ZDHHC19: variants seen among roughly 807,000 people sequenced by gnomAD.
ZDHHC19 encodes the protein zDHHC palmitoyltransferase 19.
Under a neutral mutation model 33.9 loss-of-function variants are expected in ZDHHC19, and 30 were observed. The observed-to-expected ratio is 0.88, with a 90% CI of 0.66 to 1.20. ZDHHC19 has a LOEUF of 1.20. ZDHHC19 is among the 50% of genes most tolerant of loss of function. The probability of loss-of-function intolerance (pLI) is 0.00; values close to 1 mark genes in which losing one functional copy is unlikely to be tolerated. For missense variants in ZDHHC19, 364 were observed against 401.1 expected, an observed-to-expected ratio of 0.91 and a Z score of 0.79; for synonymous variants, 178 against 167.6, an observed-to-expected ratio of 1.06 and a Z score of -0.48.
intron 5 of ZDHHC19, among the ~76,000 whole-genome samples, chr3:196,206,499 C>T (rs1187465193): frequency 1.3e-5 from 2 of 151,846 alleles, no homozygotes; most frequent in South Asian, 2.1e-4. Context: ...ACTAAAGGCA[C>T]GTGCCACCGT....
chr3:196,199,272 C>T (rs1008914525), intron 5 of ZDHHC19: 54 of 209,910 alleles, frequency 2.6e-4, no homozygotes, highest in Middle Eastern at 2.0e-3. Context: ...CTCTCCCCTT[C>T]GCCCACTCAC....
intron 2 of ZDHHC19, among the ~76,000 whole-genome samples, chr3:196,210,164 C>T (rs1176639808): frequency 6.6e-6 from 1 of 150,466 alleles, no homozygotes; most frequent in Non-Finnish European, 1.5e-5. Flanking sequence ...GCACTCCCGC[C>T]TGGGCAGCAA....
chr3:196,210,217 GAAA>G (rs1304863138), intron 2 of ZDHHC19, among the ~76,000 whole-genome samples: 2 of 133,216 alleles, frequency 1.5e-5, no homozygotes, highest in Non-Finnish European at 3.2e-5. Flanking sequence ...AAGAGAGAAA[GAAA>G]GAAGAAAGGA....
chr3:196,207,903 C>A (rs1722900416), intron 4 of ZDHHC19, among the ~76,000 whole-genome samples: 2 of 138,282 alleles, frequency 1.4e-5, no homozygotes, highest in African/African-American at 5.4e-5. Context: ...GCACCTTTAG[C>A]ACCCGCTCCG....
intron 4 of ZDHHC19, among the ~76,000 whole-genome samples, chr3:196,208,084 T>C (rs1358937453): frequency 6.6e-6 from 1 of 151,796 alleles, no homozygotes; most frequent in East Asian, 2.0e-4. Context: ...TTCTATTTTT[T>C]TGTAGAGACG....
chr3:196,210,205 G>T (rs938986591), intron 2 of ZDHHC19, among the ~76,000 whole-genome samples: 2 of 136,824 alleles, frequency 1.5e-5, no homozygotes, highest in Non-Finnish European at 3.2e-5. Flanking sequence ...AAAAGAAAAG[G>T]AAAGAGAGAA....
In ZDHHC19 at chr3:196,209,444, A is replaced by G. The variant is rs761949116; in HGVS notation, c.340T>C (p.Cys114Arg). The change falls in exon 3 of 8, where the codon TGT (cysteine) becomes CGT (arginine). Residue 114 changes from cysteine (C) to arginine (R), a missense_variant. Transcript: ENST00000296326. ...GGGCGGTGGAAGCAGCACTTTGGACACCATTGCAGGCGGAAGGCCCCGTGG... is the reference window on the plus strand; with the variant it reads ...GGGCGGTGGAAGCAGCACTTTGGACGCCATTGCAGGCGGAAGGCCCCGTGG... ...VNHGAFRLQWCPKCCFHRPPR... is the reference protein window; with the variant it reads ...VNHGAFRLQWRPKCCFHRPPR... 18 of 1,611,446 alleles carry G rather than the reference A, an allele frequency of 1.1e-5. No individual in the cohort carries two copies. Among genetic ancestry groups the G allele is most frequent in the Non-Finnish European group, 1.4e-5 (16 of 1,179,194 alleles).
Position 196,211,367 on chromosome 3 carries a change from C to G in ZDHHC19, c.-52G>C, listed in dbSNP as rs763368972. 1 of 1,545,836 alleles carries G rather than the reference C, an allele frequency of 6.5e-7. No homozygotes were observed. Among genetic ancestry groups the G allele is most frequent in the East Asian group, 2.3e-5 (1 of 44,398 alleles). On this transcript the variant is annotated 5_prime_UTR_variant, in exon 1 of 8. Coordinates refer to ENST00000296326, the MANE Select transcript of ZDHHC19 (RefSeq NM_001039617.2). ...AGGTCAGAGCCACCAGGCTTCCTCC[C>G]CCAGCCCAGCTTCCAGAGCTCCATG...
intron 3 of ZDHHC19, 57 bp downstream of exon 3, chr3:196,209,319 T>A: frequency 6.5e-7 from 1 of 1,540,286 alleles, no homozygotes; most frequent in African/African-American, 1.4e-5. Context: ...TGAGGGAGGC[T>A]CCTGGTCCCA....
chr3:196,200,583 T>G (rs992738629), intron 5 of ZDHHC19, among the ~76,000 whole-genome samples: 2 of 150,532 alleles, frequency 1.3e-5, no homozygotes, highest in Non-Finnish European at 3.0e-5. Context: ...CTCGATCTCC[T>G]GACCTCGTGA....
Position 196,208,733 on chromosome 3 carries a change from C to T in ZDHHC19, c.409-173G>A, listed in dbSNP as rs1722985262. ...ACAGAATGCCTCATGCTGGCATTTC[C>T]CTTGTTAGAGCACAGTTAGGACTCT... On this transcript the variant is annotated intron_variant, in intron 3 of 7. Transcript: ENST00000296326. 5 of 709,318 alleles carry T rather than the reference C, an allele frequency of 7.0e-6. No homozygotes were observed. In the South Asian group the frequency reaches 9.3e-5, roughly 13 times the overall value. The allele number at this position is 709,318 out of a possible 1,614,324, so 43.9% of individuals were successfully genotyped here.
chr3:196,208,309 GC>G, intron 4 of ZDHHC19, 78 bp downstream of exon 4: 1 of 875,846 alleles, frequency 1.1e-6, no homozygotes, highest in African/African-American at 2.5e-5. Context: ...CTCTAGCCCC[GC>G]CCCCATAGCC....
chr3:196,204,978 C>T (rs960628409), intron 5 of ZDHHC19, among the ~76,000 whole-genome samples: 3 of 152,092 alleles, frequency 2.0e-5, no homozygotes, highest in East Asian at 1.9e-4. Context: ...TGGTGGCTCA[C>T]ACCTGTTGTC....
chr3:196,199,842 G>A (rs1296044413), intron 5 of ZDHHC19, among the ~76,000 whole-genome samples: 1 of 151,832 alleles, frequency 6.6e-6, no homozygotes, highest in Non-Finnish European at 1.5e-5. Context: ...CTACTCGGGA[G>A]GCTGAGACAG....
chr3:196,209,807 A>C (rs959196043), intron 2 of ZDHHC19, among the ~76,000 whole-genome samples: 1 of 152,198 alleles, frequency 6.6e-6, no homozygotes, highest in Non-Finnish European at 1.5e-5. Context: ...GGAAGAGCCC[A>C]CTGGCTTCTG....
chr3:196,199,818 G>A lies in ZDHHC19; in HGVS notation c.688-944C>T, dbSNP rs547649623. 1.5e-3 allele frequency among the ~76,000 whole-genome samples: 223 copies of A among 151,820 alleles called. 4 individuals are homozygous for A. The highest frequency in any genetic ancestry group is 5.1e-3 in the African/African-American group (210 of 41,234). ...AAATTAGCCAGGCGTGGTGGCGGGTGCCTGTGATCCCAGCTACTCGGGAGG... is the reference window on the plus strand; with the variant it reads ...AAATTAGCCAGGCGTGGTGGCGGGTACCTGTGATCCCAGCTACTCGGGAGG... On this transcript the variant is annotated intron_variant, in intron 5 of 7. Coordinates refer to ENST00000296326, the MANE Select transcript of ZDHHC19 (RefSeq NM_001039617.2).
chr3:196,204,282 A>C (rs1383345266), intron 5 of ZDHHC19, among the ~76,000 whole-genome samples: 1 of 152,242 alleles, frequency 6.6e-6, no homozygotes, highest in African/African-American at 2.4e-5. Context: ...AAACATGCTT[A>C]CAATAGCACA....
Position 196,211,257 on chromosome 3 carries a change from A to C in ZDHHC19, c.59T>G (p.Val20Gly). The C allele has an allele frequency of 6.2e-7, 1 of 1,614,180 alleles. No individual in the cohort carries two copies. Among genetic ancestry groups the C allele is most frequent in the Non-Finnish European group, 8.5e-7 (1 of 1,180,020 alleles). The change falls in exon 1 of 8, where the codon GTC becomes GGC. Residue 20 changes from valine (V) to glycine (G), a missense_variant. Transcript: ENST00000296326. ...GCTAGGGAGGAACCAGGGACGTGGGACCAGAGGCAGGGGATGGGGCTCCTT... is the reference window on the plus strand; with the variant it reads ...GCTAGGGAGGAACCAGGGACGTGGGCCCAGAGGCAGGGGATGGGGCTCCTT... ...LVKEPHPLPL[V>G]PRPWFLPSLF...
At chr3:196,209,957 C>T (rs1358563915) in intron 2 of ZDHHC19, among the ~76,000 whole-genome samples, 4 of 152,128 alleles carry the variant, frequency 2.6e-5, no homozygotes, top group Non-Finnish European at 5.9e-5. Flanking sequence ...TTTGGGAGGC[C>T]GAGGTGGGCT....
Sources: allele counts gnomAD v4.1 joint callset (sites outside exome capture counted in the v4.1 genomes callset), GRCh38; gene constraint gnomAD v4.1.1; transcripts MANE v1.5; gene names NCBI Gene and HGNC (gene_info 2026-07-23, HGNC 2026-07-21).